BCAS3: variants seen among roughly 807,000 people sequenced by gnomAD.
BCAS3 encodes BCAS3 microtubule associated cell migration factor.
In BCAS3, 53 loss-of-function variants were observed where a neutral mutation model predicts 116.1. The ratio of observed to expected loss-of-function variants is 0.46; its 90% CI spans 0.37 to 0.57. The LOEUF (loss-of-function observed/expected upper bound fraction) is 0.57, where lower values mean the gene tolerates loss of function less well. Among genes scored for constraint, BCAS3 ranks in the 20% least tolerant of loss-of-function variants. The pLI is 0.00. For missense variants in BCAS3, 917 were observed against 1,165.4 expected (o/e 0.79, Z 3.10); for synonymous variants, 391 against 408.2 (o/e 0.96, Z 0.51).
At chr17:61,331,220 G>A (rs1053373237) in intron 22 of BCAS3, among the ~76,000 whole-genome samples, 1 of 152,192 alleles carries the variant, frequency 6.6e-6, no homozygotes, top group Non-Finnish European at 1.5e-5. Context: ...GGGCTAGAGT[G>A]GGAGGGGGGC....
At position 61,220,723 on chromosome 17, in the gene BCAS3, A is replaced by G. The variant is rs1460006261; in HGVS notation, c.2425+136159A>G. ...GAATGGAAGAAAAAAAAAGTGGCCA[A>G]ATTAACAAGGTTGTTGGTGTGATAC... On this transcript the variant is annotated intron_variant, in intron 22 of 23. Coordinates refer to ENST00000407086, the MANE Select transcript of BCAS3 (RefSeq NM_017679.5). This position sits in a 1 kb window ranked among gnomAD's most constrained non-coding sequence, Gnocchi z 4.5. Among the ~76,000 whole-genome samples, 1 of 152,176 alleles carries G rather than the reference A, an allele frequency of 6.6e-6. No homozygotes were observed. The highest frequency in any genetic ancestry group is 1.5e-5 in the Non-Finnish European group (1 of 68,022).
In BCAS3 at chr17:61,377,613, GGGA is replaced by G. The variant is rs1402659578; in HGVS notation, c.2593+9127_2593+9129del. Among the ~76,000 whole-genome samples the G allele has an allele frequency of 6.6e-6, 1 of 152,158 alleles. No individual in the cohort carries two copies. Among genetic ancestry groups the G allele is most frequent in the Non-Finnish European group, 1.5e-5 (1 of 68,030 alleles). ...GTTTCTTCCTCTGTGACACAGTGTG[GGGA>G]GGAGGAGCTAGTAAATGTAGTAATC... On this transcript the variant is annotated intron_variant, in intron 23 of 23. Coordinates refer to ENST00000407086, the MANE Select transcript of BCAS3 (RefSeq NM_017679.5). This position sits in a 1 kb window ranked among gnomAD's most constrained non-coding sequence, Gnocchi z 4.6.
At chr17:60,805,291 AC>A (rs1418401609) in intron 6 of BCAS3, among the ~76,000 whole-genome samples, 1 of 151,796 alleles carries the variant, frequency 6.6e-6, no homozygotes, top group Non-Finnish European at 1.5e-5. Flanking sequence ...ATTATTTTGA[AC>A]CCTTCCTAGA....
chr17:61,169,883 C>T (rs2078731054), intron 22 of BCAS3, among the ~76,000 whole-genome samples: 1 of 152,162 alleles, frequency 6.6e-6, no homozygotes, highest in East Asian at 1.9e-4. Flanking sequence ...GAGACAGAGT[C>T]TTGCACTGTC....
In BCAS3 at chr17:61,108,618, T is replaced by TA. The variant is rs397796715; in HGVS notation, c.2425+24056dup. On this transcript the variant is annotated intron_variant, in intron 22 of 23. Transcript: ENST00000407086. ...TGTCTATAGTGGTTTTTTTTTTTTT[T>TA]AATTTCAATAGGCTTTTGGGGAACA... 7.9e-5 allele frequency among the ~76,000 whole-genome samples: 12 copies of TA among 151,202 alleles called. No homozygotes were observed. The South Asian group carries it at 1.5e-3, about 18-fold the overall frequency.
intron 22 of BCAS3, among the ~76,000 whole-genome samples, chr17:61,272,052 C>T (rs1009677052): frequency 6.6e-6 from 1 of 152,096 alleles, no homozygotes; most frequent in African/African-American, 2.4e-5. Context: ...TCAAGCAGTC[C>T]TCCCACCTGG....
At chr17:60,894,461 G>A (rs546519167) in intron 10 of BCAS3, among the ~76,000 whole-genome samples, 65 of 152,254 alleles carry the variant, frequency 4.3e-4, no homozygotes, top group African/African-American at 1.4e-3. Context: ...GATTTTGTGC[G>A]TGTGTGTGAA....
At chr17:60,870,901 T>A (rs1351110945) in intron 8 of BCAS3, among the ~76,000 whole-genome samples, 2 of 152,246 alleles carry the variant, frequency 1.3e-5, no homozygotes, top group Non-Finnish European at 2.9e-5. Flanking sequence ...CATTTTCAAT[T>A]ACAAATTCAA....
chr17:60,903,780 A>G (rs2058045773), intron 11 of BCAS3, among the ~76,000 whole-genome samples: 1 of 152,204 alleles, frequency 6.6e-6, no homozygotes, highest in Admixed American at 6.5e-5. Flanking sequence ...CATTGTGTAT[A>G]GAAAAATTAT....
chr17:60,767,427 C>T (rs1045931384), intron 6 of BCAS3, among the ~76,000 whole-genome samples: 6 of 147,712 alleles, frequency 4.1e-5, no homozygotes, highest in Non-Finnish European at 7.4e-5. Context: ...TCACTGCAAC[C>T]TCTGCCTCCC....
rs1373889777 is a variant in BCAS3 at position 61,017,651 on chromosome 17, A to G, written c.1637+1750A>G. Among the ~76,000 whole-genome samples the G allele has an allele frequency of 6.6e-6, 1 of 152,200 alleles. No homozygotes were observed. Among genetic ancestry groups the G allele is most frequent in the African/African-American group, 2.4e-5 (1 of 41,464 alleles). ...TTTTCTAATGAGCTTCTCCAAATAT[A>G]TCTCTGAAATAGTAACTGAAGTTTA... On this transcript the variant is annotated intron_variant, in intron 16 of 23. Transcript: ENST00000407086. This position sits in a 1 kb window ranked among gnomAD's most constrained non-coding sequence, Gnocchi z 4.7.
In BCAS3 at chr17:60,889,630, T is replaced by C. The variant is rs190964914; in HGVS notation, c.662-65T>C. On this transcript the variant is annotated intron_variant, in intron 9 of 23. Transcript: ENST00000407086. ...GATTTTTCTGTTTTTCTGGCATCGA[T>C]ATATGATGCACCAACAGAAAAGTTA... 4.2e-5 allele frequency: 55 copies of C among 1,312,338 alleles called. No homozygotes were observed. The African/African-American group carries it at 7.4e-4, about 18-fold the overall frequency. The allele number at this position is 1,312,338 out of a possible 1,614,324, so 81.3% of individuals were successfully genotyped here. A position where few individuals can be genotyped will look rare whatever the true frequency, so the allele number is the denominator to read the frequency against.
intron 22 of BCAS3, among the ~76,000 whole-genome samples, chr17:61,172,373 C>T (rs987686298): frequency 4.6e-5 from 7 of 152,218 alleles, no homozygotes; most frequent in Non-Finnish European, 7.4e-5. Context: ...TGGTGGCTTA[C>T]GCCTAATCCC....
At chr17:61,109,189 A>G (rs56320789) in intron 22 of BCAS3, among the ~76,000 whole-genome samples, 10,270 of 150,234 alleles carry the variant, frequency 0.068, 1,018 homozygotes, top group African/African-American at 0.24. Flanking sequence ...TGTCTCAAAA[A>G]AAAAAAAAAA....
chr17:60,881,279 T>G (rs1158184363), intron 9 of BCAS3, among the ~76,000 whole-genome samples: 2 of 152,178 alleles, frequency 1.3e-5, no homozygotes, highest in Non-Finnish European at 2.9e-5. Flanking sequence ...TGGCCTGGTC[T>G]TTTCACTTTC....
In BCAS3 at chr17:61,105,569, C is replaced by A. The variant is rs1392925369; in HGVS notation, c.2425+21005C>A. 1.7e-4 allele frequency among the ~76,000 whole-genome samples: 26 copies of A among 152,172 alleles called. 1 individual carries two copies. On this transcript the variant is annotated intron_variant, in intron 22 of 23. Transcript: ENST00000407086. The surrounding 1 kb of genome is among the most constrained non-coding windows in gnomAD (Gnocchi z 4.3). ...CCCCATGAGTAGCTGGGGTTACAGG[C>A]ATGTGCCACCACGCCCAGCTAATTT...
intron 22 of BCAS3, among the ~76,000 whole-genome samples, chr17:61,341,985 T>G (rs1352714006): frequency 6.6e-6 from 1 of 152,208 alleles, no homozygotes; most frequent in Non-Finnish European, 1.5e-5. Flanking sequence ...GGGGCAATCA[T>G]GAACTTCGGA....
chr17:61,165,583 G>A (rs1450024021), intron 22 of BCAS3, among the ~76,000 whole-genome samples: 3 of 152,152 alleles, frequency 2.0e-5, no homozygotes, highest in Admixed American at 2.0e-4. Flanking sequence ...CTACTCGGGA[G>A]GCTGAGGCAG....
intron 7 of BCAS3, chr17:60,811,092 C>T: frequency 1.6e-6 from 1 of 631,636 alleles, no homozygotes; most frequent in South Asian, 1.5e-5. Context: ...TGGATATTGA[C>T]CTGGACTGCA....
Sources: allele counts gnomAD v4.1 joint callset (sites outside exome capture counted in the v4.1 genomes callset), GRCh38; gene constraint gnomAD v4.1.1; non-coding constraint Gnocchi (gnomAD v3.1); transcripts MANE v1.5; gene names NCBI Gene and HGNC (gene_info 2026-07-23, HGNC 2026-07-21).